The following ZNF385B variants were observed in gnomAD, a reference collection of about 807,000 sequenced individuals.
ZNF385B encodes the protein zinc finger protein 533.
Under a neutral mutation model 39.2 loss-of-function variants are expected in ZNF385B, and 23 were observed. The ratio of observed to expected loss-of-function variants is 0.59; its 90% CI spans 0.42 to 0.83. The LOEUF is 0.83. Ranked by LOEUF, ZNF385B falls within the 40% of genes least tolerant of loss-of-function variation. The pLI, the probability that ZNF385B is intolerant of heterozygous loss-of-function variation, is 0.00. For synonymous variants in ZNF385B, 205 were observed against 222.6 expected, an observed-to-expected ratio of 0.92 and a Z score of 0.70; for missense variants, 552 against 598.9, an observed-to-expected ratio of 0.92 and a Z score of 0.82.
intron 3 of ZNF385B, among the ~76,000 whole-genome samples, chr2:179,720,428 GA>G (rs1482770199): frequency 3.6e-5 from 4 of 112,534 alleles, no homozygotes; most frequent in Non-Finnish European, 5.4e-5. Context: ...GAGGGGAAAG[GA>G]AAGGAGAGCA....
At chr2:179,542,995 A>G (rs1156344538) in intron 4 of ZNF385B, among the ~76,000 whole-genome samples, 1 of 152,212 alleles carries the variant, frequency 6.6e-6, no homozygotes, top group East Asian at 1.9e-4. Context: ...TAAAGAGGTC[A>G]GAGCAATGGC....
chr2:179,733,953 C>T (rs1342888618), intron 3 of ZNF385B, among the ~76,000 whole-genome samples: 1 of 152,104 alleles, frequency 6.6e-6, no homozygotes, highest in Non-Finnish European at 1.5e-5. Flanking sequence ...CTCCTTCCCC[C>T]ATATGTATGT....
intron 1 of ZNF385B, among the ~76,000 whole-genome samples, chr2:179,836,810 G>A (rs139282790): frequency 4.9e-4 from 74 of 152,226 alleles, no homozygotes; most frequent in African/African-American, 1.7e-3. Context: ...GAGCCACCGC[G>A]CACGGCCTTG....
At chr2:179,595,601 G>C (rs1192289585) in intron 3 of ZNF385B, among the ~76,000 whole-genome samples, 1 of 151,372 alleles carries the variant, frequency 6.6e-6, no homozygotes, top group African/African-American at 2.4e-5. Context: ...GCTAAAGGTT[G>C]TTTTTCAGCC....
chr2:179,836,513 C>CTTTTTTTTTTTT lies in ZNF385B; in HGVS notation c.-155+24576_-155+24587dup, dbSNP rs755278598. 1.6e-4 allele frequency among the ~76,000 whole-genome samples: 20 copies of CTTTTTTTTTTTT among 124,180 alleles called. 1 individual carries two copies. Among genetic ancestry groups the CTTTTTTTTTTTT allele is most frequent in the African/African-American group, 3.1e-4 (10 of 31,800 alleles). The allele number at this position is 124,180 out of a possible 152,430, so 81.5% of individuals were successfully genotyped here. On this transcript the variant is annotated intron_variant, in intron 1 of 9. Coordinates refer to ENST00000410066, the MANE Select transcript of ZNF385B (RefSeq NM_152520.6). The stretch of plus-strand genomic sequence containing the variant: ...ATCTGAATCAAGGTTCTTGCGTTTT[C>CTTTTTTTTTTTT]TTTTTTTTTTTTTTTTGAGACGGAG...
chr2:179,851,037 A>T (rs764817321), intron 1 of ZNF385B, among the ~76,000 whole-genome samples: 1 of 152,192 alleles, frequency 6.6e-6, no homozygotes, highest in East Asian at 1.9e-4. Flanking sequence ...CCTATATGCA[A>T]AGTTCCCTCT....
chr2:179,829,596 C>T (rs1707865469), intron 1 of ZNF385B, among the ~76,000 whole-genome samples: 1 of 152,124 alleles, frequency 6.6e-6, no homozygotes. Flanking sequence ...TCACTGCAAG[C>T]TCCGCCTCCT....
At chr2:179,713,762 G>A (rs1367050679) in intron 3 of ZNF385B, among the ~76,000 whole-genome samples, 3 of 152,152 alleles carry the variant, frequency 2.0e-5, no homozygotes, top group Admixed American at 6.5e-5. Flanking sequence ...CTCTAGTTGG[G>A]TAAGGAATGG....
chr2:179,766,030 T>TCACACACACACACACACACACACA (rs71029829), intron 3 of ZNF385B, among the ~76,000 whole-genome samples: 3 of 140,832 alleles, frequency 2.1e-5, no homozygotes, highest in African/African-American at 8.0e-5. Context: ...GGTACATTGA[T>TCACACACACACACACACACACACA]CACACACACA....
At chr2:179,467,054 T>C (rs1359044950) in intron 6 of ZNF385B, among the ~76,000 whole-genome samples, 1 of 150,114 alleles carries the variant, frequency 6.7e-6, no homozygotes, top group Non-Finnish European at 1.5e-5. Flanking sequence ...CTTTAGGTAA[T>C]AGATGTGCAT....
At chr2:179,611,865 T>C (rs1401350824) in intron 3 of ZNF385B, among the ~76,000 whole-genome samples, 1 of 152,152 alleles carries the variant, frequency 6.6e-6, no homozygotes, top group African/African-American at 2.4e-5. Flanking sequence ...GTGGTATCGA[T>C]TGTAATGTCT....
At chr2:179,620,109 C>T (rs941068063) in intron 3 of ZNF385B, among the ~76,000 whole-genome samples, 1 of 152,130 alleles carries the variant, frequency 6.6e-6, no homozygotes, top group African/African-American at 2.4e-5. Context: ...TCATTTTGCC[C>T]CTAGTCAACT....
At chr2:179,504,097 A>G (rs1033545088) in intron 5 of ZNF385B, among the ~76,000 whole-genome samples, 3 of 149,364 alleles carry the variant, frequency 2.0e-5, no homozygotes, top group South Asian at 2.2e-4. Flanking sequence ...TCATTGTTCA[A>G]TTCCCACCTA....
At chr2:179,575,607 G>T (rs1381452048) in intron 3 of ZNF385B, among the ~76,000 whole-genome samples, 1 of 152,068 alleles carries the variant, frequency 6.6e-6, no homozygotes, top group Non-Finnish European at 1.5e-5. Flanking sequence ...TGGGAGTGAG[G>T]CTCCATGTGG....
intron 3 of ZNF385B, among the ~76,000 whole-genome samples, chr2:179,756,327 T>C (rs1213299429): frequency 6.6e-6 from 1 of 152,244 alleles, no homozygotes; most frequent in Non-Finnish European, 1.5e-5. Context: ...TTCTGGCTTG[T>C]AGAGTTTCTG....
intron 3 of ZNF385B, among the ~76,000 whole-genome samples, chr2:179,641,558 A>C (rs1289867942): frequency 1.3e-5 from 2 of 152,142 alleles, no homozygotes; most frequent in Non-Finnish European, 2.9e-5. Context: ...TTACCATTTT[A>C]TAAATATAAA....
chr2:179,624,139 T>A (rs2106169439), intron 3 of ZNF385B, among the ~76,000 whole-genome samples: 1 of 152,284 alleles, frequency 6.6e-6, no homozygotes, highest in Admixed American at 6.5e-5. Context: ...AAATTAGCAG[T>A]AACATTTATC....
At chr2:179,699,137 A>C (rs1698987403) in intron 3 of ZNF385B, among the ~76,000 whole-genome samples, 1 of 151,692 alleles carries the variant, frequency 6.6e-6, no homozygotes, top group Non-Finnish European at 1.5e-5. Flanking sequence ...TATAAAATTT[A>C]CCATTTTAAC....
At chr2:179,666,837 C>A (rs572571024) in intron 3 of ZNF385B, among the ~76,000 whole-genome samples, 2 of 152,270 alleles carry the variant, frequency 1.3e-5, no homozygotes, top group Admixed American at 1.3e-4. Context: ...TTTCTCTCAC[C>A]AAAAGGGCTA....
Sources: allele counts gnomAD v4.1 joint callset (sites outside exome capture counted in the v4.1 genomes callset), GRCh38; gene constraint gnomAD v4.1.1; transcripts MANE v1.5; gene names NCBI Gene and HGNC (gene_info 2026-07-23, HGNC 2026-07-21).